The following SERPINA9 variants were observed in gnomAD, a reference collection of about 807,000 sequenced individuals.
SERPINA9 encodes the protein serpin A9.
In SERPINA9, 32 loss-of-function variants were observed where a neutral mutation model predicts 24.5. The ratio of observed to expected loss-of-function variants is 1.30; its 90% CI spans 0.98 to 1.75. The LOEUF (loss-of-function observed/expected upper bound fraction) is 1.75, where lower values mean the gene tolerates loss of function less well. SERPINA9 is among the 40% of genes most tolerant of loss of function. The pLI, the probability that SERPINA9 is intolerant of heterozygous loss-of-function variation, is 0.00. For synonymous variants in SERPINA9, 233 were observed against 197.7 expected (o/e 1.18, Z -1.50); for missense variants, 594 against 497.1 (o/e 1.19, Z -1.85).
intron 1 of SERPINA9, among the ~76,000 whole-genome samples, chr14:94,472,744 C>T (rs946265825): frequency 2.0e-5 from 3 of 152,152 alleles, no homozygotes; most frequent in African/African-American, 7.2e-5. Context: ...TATTCCATAA[C>T]AAGAAAGGCT....
chr14:94,469,471 G>A lies in SERPINA9; in HGVS notation c.370C>T (p.Pro124Ser). ...FQHLVHSLTV[P>S]SKDLTLKMGS... is the part of the protein sequence containing the mutation. Reference sequence around the variant, plus strand: ...ATCTTCAAGGTCAGGTCTTTGCTGGGAACAGTCAGTGAGTGAACCAGGTGC... The same window carrying A: ...ATCTTCAAGGTCAGGTCTTTGCTGGAAACAGTCAGTGAGTGAACCAGGTGC... The change falls in exon 2 of 5, where the codon CCC becomes TCC. Residue 124 changes from proline to serine, a missense_variant. Transcript: ENST00000674397. 6.2e-7 allele frequency: 1 copy of A among 1,614,196 alleles called. No individual in the cohort carries two copies. Among genetic ancestry groups the A allele is most frequent in the East Asian group, 2.2e-5 (1 of 44,878 alleles).
At chr14:94,468,047 T>G (rs1899102351) in intron 2 of SERPINA9, among the ~76,000 whole-genome samples, 3 of 150,356 alleles carry the variant, frequency 2.0e-5, no homozygotes, top group African/African-American at 2.4e-5. Context: ...TGGTTGGCTG[T>G]CTGGGTGGAT....
chr14:94,463,344 A>G (rs1415073833), intron 4 of SERPINA9, 48 bp from the exon 5 acceptor site: 1 of 1,538,306 alleles, frequency 6.5e-7, no homozygotes, highest in South Asian at 1.1e-5. Context: ...AGACACTTTT[A>G]CTTAACTGAG....
At chr14:94,465,431 C>T (rs888861493) in intron 3 of SERPINA9, among the ~76,000 whole-genome samples, 4 of 152,210 alleles carry the variant, frequency 2.6e-5, no homozygotes, top group Admixed American at 2.0e-4. Flanking sequence ...GGTGGCTTAG[C>T]GGCTACTATA....
At chr14:94,473,388 G>C (rs930225466) in intron 1 of SERPINA9, among the ~76,000 whole-genome samples, 1 of 151,930 alleles carries the variant, frequency 6.6e-6, no homozygotes, top group Non-Finnish European at 1.5e-5. Flanking sequence ...GCTTGGTGGC[G>C]GGCACCTCTA....
At chr14:94,470,609 C>T (rs1309418318) in intron 1 of SERPINA9, among the ~76,000 whole-genome samples, 1 of 152,220 alleles carries the variant, frequency 6.6e-6, no homozygotes, top group Non-Finnish European at 1.5e-5. Flanking sequence ...CAAGTAACCT[C>T]TCTGGACTTC....
chr14:94,470,553 C>A (rs998232263), intron 1 of SERPINA9, among the ~76,000 whole-genome samples: 3 of 152,192 alleles, frequency 2.0e-5, no homozygotes, highest in Non-Finnish European at 2.9e-5. Flanking sequence ...CAATTTCAAA[C>A]CCCAACAGGG....
chr14:94,465,930 G>C (rs959828200), intron 3 of SERPINA9, among the ~76,000 whole-genome samples: 2 of 152,202 alleles, frequency 1.3e-5, no homozygotes, highest in Non-Finnish European at 2.9e-5. Context: ...TATGTACTTA[G>C]TGACTCACAG....
Position 94,462,942 on chromosome 14 carries a change from A to G in SERPINA9, c.*151T>C. On this transcript the variant is annotated 3_prime_UTR_variant, in exon 5 of 5. Coordinates refer to ENST00000674397, the MANE Select transcript of SERPINA9 (RefSeq NM_175739.4). ...TGGCTTGTGACTGGGGTCCCTGTTG[A>G]TGGTTTGGTGATTGAGCCTTGGAAG... 1 of 660,614 alleles carries G rather than the reference A, an allele frequency of 1.5e-6. No individual in the cohort carries two copies. The highest frequency in any genetic ancestry group is 2.3e-5 in the Admixed American group (1 of 42,900). The allele number at this position is 660,614 out of a possible 1,614,324, so 40.9% of individuals were successfully genotyped here. A position where few individuals can be genotyped will look rare whatever the true frequency, so the allele number is the denominator to read the frequency against.
chr14:94,475,992 T>C (rs2139832079), intron 1 of SERPINA9, 144 bp downstream of exon 1: 2 of 1,304,930 alleles, frequency 1.5e-6, no homozygotes, highest in East Asian at 2.3e-5. Flanking sequence ...CAGATGCTAC[T>C]AAAAGCCAAC....
At chr14:94,470,320 C>T in intron 1 of SERPINA9, 1 of 532,022 alleles carries the variant, frequency 1.9e-6, no homozygotes, top group African/African-American at 2.4e-5. Flanking sequence ...CCCTGGCTGC[C>T]TGTTCCCAGA....
chr14:94,469,418 C>T lies in SERPINA9; in HGVS notation c.423G>A (p.Glu141=). Residue 141 remains glutamate, a synonymous_variant, in exon 2 of 5, where the codon GAG becomes GAA. Transcript: ENST00000674397. ...CCAAGAAATTTGCCTGCAGCTGCAG[C>T]TCCTTCTTGACGAAGAGGGCACTTC... ...KMGSALFVKK[E]LQLQANFLGN... is the part of the protein sequence containing the mutation. 3 of 1,613,966 alleles carry T rather than the reference C, an allele frequency of 1.9e-6. No individual in the cohort carries two copies. The highest frequency in any genetic ancestry group is 2.5e-6 in the Non-Finnish European group (3 of 1,180,044).
chr14:94,476,159 C>A lies in SERPINA9; in HGVS notation c.-41G>T, dbSNP rs201427437. 2.3e-5 allele frequency: 37 copies of A among 1,614,060 alleles called. No individual in the cohort carries two copies. Among genetic ancestry groups the A allele is most frequent in the Non-Finnish European group, 3.1e-5 (36 of 1,180,038 alleles). On this transcript the variant is annotated 5_prime_UTR_variant, in exon 1 of 5. Transcript: ENST00000674397. ...ACCTTTGCAGGTTCCTCTTCTCCTG[C>A]CCTGTCCTTGCATGGTTGGTGAGCC...
At chr14:94,463,632 G>A (rs1039352965) in intron 4 of SERPINA9, among the ~76,000 whole-genome samples, 4 of 152,202 alleles carry the variant, frequency 2.6e-5, no homozygotes, top group Non-Finnish European at 5.9e-5. Context: ...GCCCCGTAAG[G>A]TTATTGTGTA....
intron 1 of SERPINA9, 153 bp from the exon 2 acceptor site, chr14:94,470,010 T>C: frequency 1.5e-6 from 1 of 679,384 alleles, no homozygotes; most frequent in Non-Finnish European, 2.3e-6. Context: ...CCTCACAATA[T>C]TCCCATGATG....
chr14:94,467,342 C>A lies in SERPINA9; in HGVS notation c.669G>T (p.Lys223Asn). Residue 223 changes from lysine (K) to asparagine (N), a missense_variant, in exon 3 of 5, where the codon AAG (lysine) becomes AAT (asparagine). Physicochemically the swap from Lys to Asn is moderately conservative, Grantham distance 94. Transcript: ENST00000674397. Reference protein sequence around the residue: ...EKPFHPEYTRKNFPFLVGEQV... With the variant: ...EKPFHPEYTRNNFPFLVGEQV... The stretch of plus-strand genomic sequence containing the variant: ...GCTCGCCCACCAGGAATGGGAAGTT[C>A]TTTCTTGTATATTCAGGGTGAAAGG... 6.2e-7 allele frequency: 1 copy of A among 1,613,810 alleles called. No homozygotes were observed. The highest frequency in any genetic ancestry group is 8.5e-7 in the Non-Finnish European group (1 of 1,179,754).
chr14:94,464,298 T>G, intron 4 of SERPINA9: 1 of 215,524 alleles, frequency 4.6e-6, no homozygotes, highest in Non-Finnish European at 9.0e-6. Flanking sequence ...TCTCTCTCTC[T>G]CTCTCTCTCT....
intron 1 of SERPINA9, among the ~76,000 whole-genome samples, chr14:94,471,767 C>T (rs886169425): frequency 3.3e-5 from 5 of 152,164 alleles, no homozygotes; most frequent in African/African-American, 4.8e-5. Flanking sequence ...GGCCATTTTA[C>T]CCATGCTGCC....
chr14:94,475,514 A>T (rs899248845), intron 1 of SERPINA9, among the ~76,000 whole-genome samples: 1 of 152,104 alleles, frequency 6.6e-6, no homozygotes, highest in South Asian at 2.1e-4. Flanking sequence ...ATCCTATGAA[A>T]AGGAATTGTC....
Sources: allele counts gnomAD v4.1 joint callset (sites outside exome capture counted in the v4.1 genomes callset), GRCh38; gene constraint gnomAD v4.1.1; transcripts MANE v1.5; gene names NCBI Gene and HGNC (gene_info 2026-07-23, HGNC 2026-07-21).